Variants in FCRL5 observed in about 807,000 individuals in gnomAD.
The protein encoded by FCRL5 is Fc receptor-like protein 5.
FCRL5 carries 79 observed loss-of-function variants against 92.1 expected under a neutral mutation model. The observed-to-expected ratio is 0.86, with a 90% CI of 0.72 to 1.03. The LOEUF is 1.03. Ranked by LOEUF, FCRL5 falls within the 50% of genes least tolerant of loss-of-function variation. The pLI is 0.00. For missense variants in FCRL5, 1,160 were observed against 1,181.1 expected (o/e 0.98, Z 0.26); for synonymous variants, 466 against 469.3 (o/e 0.99, Z 0.09).
Position 157,524,499 on chromosome 1 carries a change from C to A in FCRL5, c.2019G>T (p.Gly673=), listed in dbSNP as rs143158449. 1.5e-5 allele frequency: 25 copies of A among 1,613,932 alleles called. No individual in the cohort carries two copies. Among genetic ancestry groups the A allele is most frequent in the Admixed American group, 3.3e-5 (2 of 60,004 alleles). The change falls in exon 10 of 17, where the codon GGG becomes GGT. Residue 673 remains glycine, a synonymous_variant. Transcript: ENST00000361835. Reference sequence around the variant, plus strand: ...CCTCACAGTGAAGCTCCAGCAGGTCCCCCACCACAGCCTGGGCCCTGGGAG... The same window carrying A: ...CCTCACAGTGAAGCTCCAGCAGGTCACCCACCACAGCCTGGGCCCTGGGAG... ...FRAPRAQAVV[G]DLLELHCEAL... is the part of the protein sequence containing the mutation.
intron 8 of FCRL5, among the ~76,000 whole-genome samples, chr1:157,529,017 A>G (rs2101613234): frequency 6.6e-6 from 1 of 152,358 alleles, no homozygotes; most frequent in East Asian, 1.9e-4. Context: ...AGCAGAGTAA[A>G]CAGACAACCC....
intron 6 of FCRL5, among the ~76,000 whole-genome samples, chr1:157,541,112 T>C (rs1444209834): frequency 2.6e-5 from 4 of 152,364 alleles, no homozygotes; most frequent in East Asian, 1.9e-4. Context: ...CTTTGCCTTA[T>C]CCAAACCAGC....
At position 157,514,771 on chromosome 1, in the gene FCRL5, GC is replaced by G. The variant is rs1367171263; in HGVS notation, c.*903del. The G allele has an allele frequency of 9.2e-5, 14 of 152,372 alleles. No individual in the cohort carries two copies. The East Asian group carries it at 2.7e-3, about 29-fold the overall frequency. The allele number at this position is 152,372 out of a possible 1,614,324, so 9.4% of individuals were successfully genotyped here. On this transcript the variant is annotated 3_prime_UTR_variant, in exon 17 of 17. Transcript: ENST00000361835. ...CTTGCTGAACAGTTTCCTCATCCAA[GC>G]TCCTTCTCTTCCATTGTTTCTTAGG...
At chr1:157,527,264 C>T (rs949265060) in intron 9 of FCRL5, among the ~76,000 whole-genome samples, 1 of 152,194 alleles carries the variant, frequency 6.6e-6, no homozygotes, top group Non-Finnish European at 1.5e-5. Context: ...CAGAGAAAAC[C>T]ACAACTAAAT....
rs16838717 is a variant in FCRL5 at position 157,520,876 on chromosome 1, A to G, written c.2515+141T>C. On this transcript the variant is annotated intron_variant, in intron 11 of 16. Transcript: ENST00000361835. ...GCCATCACTTCAGAAGCACTTCAGG[A>G]AATATAGCAGTTTAGAGAGCTGCCA... The G allele has an allele frequency of 5.4e-3, 5,653 of 1,050,308 alleles. 193 individuals carry two copies. The African/African-American group carries it at 0.076, about 14-fold the overall frequency. 65.1% of individuals were successfully genotyped at this position (1,050,308 alleles called of 1,614,324 possible). A position where few individuals can be genotyped will look rare whatever the true frequency, so the allele number is the denominator to read the frequency against.
At chr1:157,524,597 A>G (rs1277976356) in intron 9 of FCRL5, 40 bp from the exon 10 acceptor site, 3 of 1,529,840 alleles carry the variant, frequency 2.0e-6, no homozygotes, top group Non-Finnish European at 2.6e-6. Context: ...TGCTTCTGCT[A>G]AAATATATTC....
At chr1:157,535,943 G>GT (rs60191062) in intron 7 of FCRL5, among the ~76,000 whole-genome samples, 4,725 of 90,068 alleles carry the variant, frequency 0.052, 434 homozygotes, top group East Asian at 0.17. Context: ...ATGTGACTCA[G>GT]TTTTTTTTTT....
rs776527963 is a variant in FCRL5, at chr1:157,547,336, G to C, written c.53-139C>G. ...CTGGGAGGGTCACTGATAGCTCAAA[G>C]CTCCCTGTCAGCCAGTGGCCCTCAC... On this transcript the variant is annotated intron_variant, in intron 2 of 16. Coordinates refer to ENST00000361835, the MANE Select transcript of FCRL5 (RefSeq NM_031281.3). 8 of 1,160,660 alleles carry C rather than the reference G, an allele frequency of 6.9e-6. No individual in the cohort carries two copies. In the African/African-American group the frequency reaches 7.5e-5, roughly 11 times the overall value. The allele number at this position is 1,160,660 out of a possible 1,614,324, so 71.9% of individuals were successfully genotyped here. A position where few individuals can be genotyped will look rare whatever the true frequency, so the allele number is the denominator to read the frequency against.
At chr1:157,525,723 C>CTTT in intron 9 of FCRL5, among the ~76,000 whole-genome samples, 1 of 152,128 alleles carries the variant, frequency 6.6e-6, no homozygotes, top group Non-Finnish European at 1.5e-5. Context: ...GTCAAATCAA[C>CTTT]AGGACTTAAT....
chr1:157,545,985 A>G (rs1258579507), intron 3 of FCRL5, among the ~76,000 whole-genome samples: 2 of 152,180 alleles, frequency 1.3e-5, no homozygotes, highest in African/African-American at 4.8e-5. Context: ...CACTACATTA[A>G]AAAATGATGT....
At chr1:157,522,108 A>G (rs570915819) in intron 10 of FCRL5, 1 of 152,356 alleles carries the variant, frequency 6.6e-6, no homozygotes, top group East Asian at 1.9e-4. Context: ...TCTAAAAATT[A>G]TCTACCTTTA....
intron 3 of FCRL5, chr1:157,546,307 G>A (rs1651532139): frequency 4.5e-6 from 2 of 444,110 alleles, no homozygotes; most frequent in African/African-American, 4.0e-5. Flanking sequence ...AATTAGCCAG[G>A]TGTGATGGCG....
chr1:157,544,654 C>T, intron 4 of FCRL5, 108 bp from the exon 5 acceptor site: 2 of 1,436,432 alleles, frequency 1.4e-6, no homozygotes, highest in South Asian at 1.3e-5. Flanking sequence ...GAAAGGAATG[C>T]CATTGATCCC....
chr1:157,536,480 C>G (rs1225176329), intron 7 of FCRL5, among the ~76,000 whole-genome samples: 1 of 152,222 alleles, frequency 6.6e-6, no homozygotes, highest in African/African-American at 2.4e-5. Context: ...CGCCTGGCTG[C>G]TCCTCAAACA....
At position 157,527,715 on chromosome 1, in the gene FCRL5, T is replaced by G. The variant is rs1650496365; in HGVS notation, c.1862A>C (p.Asn621Thr). 1 of 1,614,038 alleles carries G rather than the reference T, an allele frequency of 6.2e-7. No individual in the cohort carries two copies. Among genetic ancestry groups the G allele is most frequent in the Non-Finnish European group, 8.5e-7 (1 of 1,179,970 alleles). ...AGAATGTTCTGCAGTCAGAGAGAGG[T>G]TGAAAGAAGCTTCTCCTCCAGAGGG... ...SAPSGGEASF[N>T]LSLTAEHSGN... Residue 621 changes from asparagine (N) to threonine (T), a missense_variant, in exon 9 of 17, where the codon AAC (asparagine) becomes ACC (threonine). Coordinates refer to ENST00000361835, the MANE Select transcript of FCRL5 (RefSeq NM_031281.3).
chr1:157,519,686 A>G, intron 13 of FCRL5, 57 bp downstream of exon 13: 1 of 1,587,020 alleles, frequency 6.3e-7, no homozygotes, highest in South Asian at 1.1e-5. Flanking sequence ...ATTCAATTCC[A>G]TTTTTCCACC....
chr1:157,539,446 C>A, intron 6 of FCRL5, 82 bp from the exon 7 acceptor site: 1 of 1,326,258 alleles, frequency 7.5e-7, no homozygotes, highest in East Asian at 2.4e-5. Context: ...TCTTGGGAAC[C>A]CCAAATCACT....
At chr1:157,546,373 G>C (rs1260532848) in intron 3 of FCRL5, 1 of 359,380 alleles carries the variant, frequency 2.8e-6, no homozygotes, top group Non-Finnish European at 5.5e-6. Context: ...GCTTGAACCC[G>C]GGAGACAGAA....
chr1:157,534,657 G>C lies in FCRL5; in HGVS notation c.1638C>G (p.Gly546=). The C allele has an allele frequency of 1.2e-6, 2 of 1,614,188 alleles. No individual in the cohort carries two copies. Among genetic ancestry groups the C allele is most frequent in the Non-Finnish European group, 8.5e-7 (1 of 1,180,046 alleles). The change falls in exon 8 of 17, where the codon GGC becomes GGG. Residue 546 remains glycine, a synonymous_variant. Transcript: ENST00000361835. Reference sequence around the variant, plus strand: ...CCACTTCACTGCGCTGGGGACCAAAGCCATTGTCAGCTGTGCAGTAGTAAT... The same window carrying C: ...CCACTTCACTGCGCTGGGGACCAAACCCATTGTCAGCTGTGCAGTAGTAAT... ...SGNYYCTADN[G]FGPQRSEVVS...
Sources: allele counts gnomAD v4.1 joint callset (sites outside exome capture counted in the v4.1 genomes callset), GRCh38; gene constraint gnomAD v4.1.1; transcripts MANE v1.5; gene names NCBI Gene and HGNC (gene_info 2026-07-23, HGNC 2026-07-21).